Variants in CHRM3 observed in about 807,000 individuals in gnomAD.
The protein encoded by CHRM3 is cholinergic receptor muscarinic 3.
A neutral mutation model predicts 41.8 loss-of-function variants in CHRM3; 11 were observed. That is an observed-to-expected ratio of 0.26 (90% CI 0.17 to 0.44). The LOEUF (loss-of-function observed/expected upper bound fraction) is 0.44, where lower values mean the gene tolerates loss of function less well. Ranked by LOEUF, CHRM3 falls within the 20% of genes least tolerant of loss-of-function variation. The probability of loss-of-function intolerance (pLI) is 1.00; values close to 1 mark genes in which losing one functional copy is unlikely to be tolerated. For synonymous variants in CHRM3, 297 were observed against 301.4 expected, an observed-to-expected ratio of 0.99 and a Z score of 0.15; for missense variants, 571 against 745.4, an observed-to-expected ratio of 0.77 and a Z score of 2.72.
At chr1:239,847,997 G>A (rs1430685175) in intron 6 of CHRM3, among the ~76,000 whole-genome samples, 2 of 151,962 alleles carry the variant, frequency 1.3e-5, no homozygotes, top group Non-Finnish European at 2.9e-5. Flanking sequence ...TGGATTCATG[G>A]TAGCAAGAAG....
chr1:239,652,184 A>T (rs2148972371), intron 4 of CHRM3, among the ~76,000 whole-genome samples: 1 of 152,226 alleles, frequency 6.6e-6, no homozygotes, highest in East Asian at 1.9e-4. Flanking sequence ...ATCCTCCTGT[A>T]TTCACCCATA....
chr1:239,477,122 A>G (rs1376895358), intron 1 of CHRM3, among the ~76,000 whole-genome samples: 1 of 152,236 alleles, frequency 6.6e-6, no homozygotes, highest in African/African-American at 2.4e-5. Flanking sequence ...ATATGATTAA[A>G]GCGAACAGAA....
intron 5 of CHRM3, among the ~76,000 whole-genome samples, chr1:239,780,145 A>G (rs1187573501): frequency 6.6e-6 from 1 of 152,188 alleles, no homozygotes; most frequent in Non-Finnish European, 1.5e-5. Flanking sequence ...AATAAATACC[A>G]AGTAATGTGA....
rs772511456 is a variant in CHRM3, at chr1:239,909,054, A to C, written c.1603A>C (p.Ile535Leu). 3.1e-6 allele frequency: 5 copies of C among 1,614,208 alleles called. No homozygotes were observed. Among genetic ancestry groups the C allele is most frequent in the Admixed American group, 1.7e-5 (1 of 60,032 alleles). The change falls in exon 7 of 7, where the codon ATC becomes CTC. Residue 535 changes from isoleucine (I) to leucine (L), a missense_variant. Physicochemically the swap from Ile to Leu is conservative, Grantham distance 5 (BLOSUM62 2). Transcript: ENST00000676153. ...FWNLGYWLCY[I>L]NSTVNPVCYA... ...GAATCTGGGCTACTGGCTGTGCTAC[A>C]TCAACAGCACCGTGAACCCCGTGTG...
At chr1:239,682,920 T>A (rs1032924538) in intron 5 of CHRM3, among the ~76,000 whole-genome samples, 1 of 152,142 alleles carries the variant, frequency 6.6e-6, no homozygotes, top group African/African-American at 2.4e-5. Context: ...TGGATACATG[T>A]GTACATTGTA....
At chr1:239,817,463 G>T (rs186388162) in intron 5 of CHRM3, among the ~76,000 whole-genome samples, 1 of 152,104 alleles carries the variant, frequency 6.6e-6, no homozygotes, top group East Asian at 1.9e-4. Context: ...AAATCTTTAA[G>T]ACAGAATCCA....
At chr1:239,784,386 A>C (rs1250875336) in intron 5 of CHRM3, among the ~76,000 whole-genome samples, 1 of 151,832 alleles carries the variant, frequency 6.6e-6, no homozygotes, top group East Asian at 1.9e-4. Flanking sequence ...CTCCTTTCTT[A>C]GTATATCAGT....
At position 239,909,274 on chromosome 1, in the gene CHRM3, A is replaced by T. The variant is rs201263962; in HGVS notation, c.*50A>T. 682 of 1,529,282 alleles carry T rather than the reference A, an allele frequency of 4.5e-4. 7 individuals carry two copies. The East Asian group carries it at 0.014, about 32-fold the overall frequency. 94.7% of individuals were successfully genotyped at this position (1,529,282 alleles called of 1,614,324 possible). On this transcript the variant is annotated 3_prime_UTR_variant, in exon 7 of 7. Coordinates refer to ENST00000676153, the MANE Select transcript of CHRM3 (RefSeq NM_001375978.1). ...ACAAAACGCACACATCAACCCACAG[A>T]CCTTAGGAGGAGGAAGGCGAGGGCG...
At chr1:239,401,411 A>G (rs1052877164) in intron 1 of CHRM3, among the ~76,000 whole-genome samples, 1 of 152,068 alleles carries the variant, frequency 6.6e-6, no homozygotes, top group African/African-American at 2.4e-5. Flanking sequence ...CTTAAAGTAC[A>G]CTTTTTCTTA....
At chr1:239,453,810 T>C (rs915435436) in intron 1 of CHRM3, among the ~76,000 whole-genome samples, 2 of 151,826 alleles carry the variant, frequency 1.3e-5, no homozygotes, top group African/African-American at 2.4e-5. Context: ...CAGATGTCTG[T>C]GAAGGATAAA....
chr1:239,583,957 C>T (rs1022554061), intron 3 of CHRM3, among the ~76,000 whole-genome samples: 14 of 151,984 alleles, frequency 9.2e-5, no homozygotes, highest in East Asian at 1.9e-4. Flanking sequence ...TTAGATTAGG[C>T]GTTGAGGAAT....
chr1:239,478,763 A>G (rs938802687), intron 1 of CHRM3, among the ~76,000 whole-genome samples: 3 of 152,226 alleles, frequency 2.0e-5, no homozygotes, highest in African/African-American at 7.2e-5. Flanking sequence ...ATGGAATTGA[A>G]TGCCTGGGAA....
chr1:239,676,584 T>G (rs1342569980), intron 4 of CHRM3, among the ~76,000 whole-genome samples: 5 of 152,166 alleles, frequency 3.3e-5, no homozygotes. Flanking sequence ...TGTGCCACAC[T>G]TAACTTCTTC....
chr1:239,715,046 A>C (rs1255363381), intron 5 of CHRM3, among the ~76,000 whole-genome samples: 1 of 152,152 alleles, frequency 6.6e-6, no homozygotes, highest in Non-Finnish European at 1.5e-5. Flanking sequence ...TGATGTCCTG[A>C]AGCCAGAGAA....
chr1:239,889,478 C>T (rs541156673), intron 6 of CHRM3, among the ~76,000 whole-genome samples: 13 of 152,194 alleles, frequency 8.5e-5, no homozygotes, highest in East Asian at 5.8e-4. Context: ...GCACAGCTGC[C>T]GGCGTTCCCC....
rs549386008 is a variant in CHRM3, at chr1:239,658,221, A to G, written c.-249-19965A>G. On this transcript the variant is annotated intron_variant, in intron 4 of 6. Coordinates refer to ENST00000676153, the MANE Select transcript of CHRM3 (RefSeq NM_001375978.1). ...AACAATAAAGCGAGTTTACTATCAT[A>G]AAACAAATCTGTAGCTTTAAAATGG... is the stretch of plus-strand genomic sequence containing the variant. Among the ~76,000 whole-genome samples, 21 of 152,334 alleles carry G rather than the reference A, an allele frequency of 1.4e-4. No individual in the cohort carries two copies. In the South Asian group the frequency reaches 3.9e-3, roughly 29 times the overall value.
At chr1:239,808,005 T>C (rs1591887) in intron 5 of CHRM3, among the ~76,000 whole-genome samples, 44,188 of 152,072 alleles carry the variant, frequency 0.29, 7,865 homozygotes, top group African/African-American at 0.51. Context: ...TCATTAGTTA[T>C]ATAAAACATG....
At chr1:239,446,787 A>C (rs191118324) in intron 1 of CHRM3, among the ~76,000 whole-genome samples, 150 of 152,270 alleles carry the variant, frequency 9.9e-4, no homozygotes, top group Non-Finnish European at 1.5e-3. Flanking sequence ...GAAGTGGTGG[A>C]AAGTTGGTGC....
At chr1:239,545,404 C>A (rs781396533) in intron 2 of CHRM3, among the ~76,000 whole-genome samples, 9 of 152,184 alleles carry the variant, frequency 5.9e-5, no homozygotes, top group Non-Finnish European at 1.3e-4. Flanking sequence ...GTACTAAAAT[C>A]CTAGACTTCA....
Sources: gnomAD v4.1 joint callset for allele counts (sites outside exome capture counted in the v4.1 genomes callset) on GRCh38, gnomAD v4.1.1 for gene constraint, MANE v1.5 for transcripts, NCBI Gene and HGNC (gene_info 2026-07-23, HGNC 2026-07-21) for gene names.